Variants in SLC30A3 observed in about 807,000 individuals in gnomAD.
The protein encoded by SLC30A3 is solute carrier family 30 member 3, also known as probable proton-coupled zinc antiporter SLC30A3.
A neutral mutation model predicts 35.6 loss-of-function variants in SLC30A3; 20 were observed. The ratio of observed to expected loss-of-function variants is 0.56; its 90% CI spans 0.39 to 0.82. The LOEUF (loss-of-function observed/expected upper bound fraction) is 0.82. SLC30A3 is among the 40% of genes least tolerant of loss of function. SLC30A3 has a pLI of 0.00. For synonymous variants in SLC30A3, 217 were observed against 224.7 expected, an observed-to-expected ratio of 0.97 and a Z score of 0.31; for missense variants, 401 against 530.6, an observed-to-expected ratio of 0.76 and a Z score of 2.40.
In SLC30A3 at chr2:27,258,263, G is replaced by T; in HGVS notation, c.322C>A (p.His108Asn). 1 of 1,550,550 alleles carries T rather than the reference G, an allele frequency of 6.4e-7. No homozygotes were observed. Among genetic ancestry groups the T allele is most frequent in the Non-Finnish European group, 8.7e-7 (1 of 1,146,116 alleles). ...HSLAIMTDAA[H>N]LLADVGSMMG... ...ATGCTGCCCACATCCGCCAGCAAGT[G>T]GGCTGCATCGGTCATGATGGCCAGG... The change falls in exon 3 of 8, where the codon CAC becomes AAC. Residue 108 changes from histidine (H) to asparagine (N), a missense_variant. By Grantham distance (68) the His-to-Asn change is moderately conservative. Coordinates refer to ENST00000233535, the MANE Select transcript of SLC30A3 (RefSeq NM_003459.5). This position sits in a 1 kb window ranked among gnomAD's most constrained non-coding sequence, Gnocchi z 4.0.
chr2:27,264,318 C>T (rs780940279), upstream of SLC30A3, among the ~76,000 whole-genome samples: 3 of 152,180 alleles, frequency 2.0e-5, no homozygotes, highest in East Asian at 1.9e-4. The surrounding 1 kb of genome is among the most constrained non-coding windows in gnomAD (Gnocchi z 6.1). Context: ...GTTATTCCAA[C>T]GAGCCCAAGA....
Position 27,271,341 on chromosome 2 carries a change from G to C in SLC30A3, c.-159+3836C>G, listed in dbSNP as rs1677719101. On this transcript the variant is annotated intron_variant, in intron 1 of 5. Transcript: ENST00000424577. The surrounding 1 kb of genome is among the most constrained non-coding windows in gnomAD (Gnocchi z 4.3). ...GGATGCTTCTTCGTTTTCTCCATGA[G>C]AGACCAAATGGCTCTGAGTGGTAGT... 1.3e-5 allele frequency among the ~76,000 whole-genome samples: 2 copies of C among 152,210 alleles called. No homozygotes were observed. Among genetic ancestry groups the C allele is most frequent in the Admixed American group, 1.3e-4 (2 of 15,284 alleles).
Position 27,262,781 on chromosome 2 carries a change from C to A in SLC30A3, c.95+31G>T. 1.3e-6 allele frequency: 2 copies of A among 1,505,026 alleles called. No individual in the cohort carries two copies. The highest frequency in any genetic ancestry group is 1.8e-6 in the Non-Finnish European group (2 of 1,133,572). The allele number at this position is 1,505,026 out of a possible 1,614,324, so 93.2% of individuals were successfully genotyped here. ...ACGGAGGGTAGTAGGGTGGCGCCCC[C>A]GGGCCGAGGGCCAGCCCAGGTCTGT... is the stretch of plus-strand genomic sequence containing the variant. On this transcript the variant is annotated intron_variant, in intron 1 of 7. Coordinates refer to ENST00000233535, the MANE Select transcript of SLC30A3 (RefSeq NM_003459.5). This position sits in a 1 kb window ranked among gnomAD's most constrained non-coding sequence, Gnocchi z 7.5.
At chr2:27,261,147 G>A (rs1186583195) in intron 1 of SLC30A3, among the ~76,000 whole-genome samples, 2 of 152,184 alleles carry the variant, frequency 1.3e-5, no homozygotes, top group African/African-American at 2.4e-5. Flanking sequence ...ACAAAGACGA[G>A]GTTTGTGGCT....
At chr2:27,270,326 AG>A (rs1486150866) in intron 1 of SLC30A3, among the ~76,000 whole-genome samples, 2 of 152,096 alleles carry the variant, frequency 1.3e-5, no homozygotes, top group East Asian at 3.9e-4. Context: ...GCTGCTTGGG[AG>A]GACTGGGGGC....
rs753322875 is a variant in SLC30A3 at position 27,255,259 on chromosome 2, A to G, written c.*53T>C. On this transcript the variant is annotated 3_prime_UTR_variant, in exon 8 of 8. Coordinates refer to ENST00000233535, the MANE Select transcript of SLC30A3 (RefSeq NM_003459.5). The surrounding 1 kb of genome is among the most constrained non-coding windows in gnomAD (Gnocchi z 5.2). ...TCTGTGATCAGGGCAGCAGATGCTG[A>G]GAGTCTGGGGCTGAGCCTCGGCCTG... 6.2e-7 allele frequency: 1 copy of G among 1,610,382 alleles called. No homozygotes were observed. The highest frequency in any genetic ancestry group is 8.5e-7 in the Non-Finnish European group (1 of 1,177,888).
At chr2:27,264,117 C>T (rs1484208608), upstream of SLC30A3, 1 of 1,222,614 alleles carries the variant, frequency 8.2e-7, no homozygotes, top group East Asian at 5.7e-5. The surrounding 1 kb of genome is among the most constrained non-coding windows in gnomAD (Gnocchi z 6.1). Flanking sequence ...GAGGATTGTG[C>T]ACTCGAAGCT....
upstream of SLC30A3, among the ~76,000 whole-genome samples, chr2:27,268,029 C>A (rs558526719): frequency 1.3e-5 from 2 of 152,052 alleles, no homozygotes; most frequent in Admixed American, 1.3e-4. Flanking sequence ...CCATAGCCAT[C>A]ATTACCATCT....
rs940432098 is a variant in SLC30A3, at chr2:27,262,932, C to T, written c.-26G>A. On this transcript the variant is annotated 5_prime_UTR_variant, in exon 1 of 8. Coordinates refer to ENST00000233535, the MANE Select transcript of SLC30A3 (RefSeq NM_003459.5). The surrounding 1 kb of genome is among the most constrained non-coding windows in gnomAD (Gnocchi z 7.5). ...GTTCCCGGTGCCCCGACCGTCTAGGCCCCACCGAGGAAGAGAGAGGCCGGG... is the reference window on the plus strand; with the variant it reads ...GTTCCCGGTGCCCCGACCGTCTAGGTCCCACCGAGGAAGAGAGAGGCCGGG... 1.1e-5 allele frequency: 17 copies of T among 1,528,546 alleles called. No individual in the cohort carries two copies. Among genetic ancestry groups the T allele is most frequent in the African/African-American group, 1.5e-5 (1 of 68,248 alleles). 94.7% of individuals were successfully genotyped at this position (1,528,546 alleles called of 1,614,324 possible). A position where few individuals can be genotyped will look rare whatever the true frequency, so the allele number is the denominator to read the frequency against.
chr2:27,264,738 G>A (rs1677419226), upstream of SLC30A3, among the ~76,000 whole-genome samples: 1 of 152,228 alleles, frequency 6.6e-6, no homozygotes, highest in Non-Finnish European at 1.5e-5. The surrounding 1 kb of genome is among the most constrained non-coding windows in gnomAD (Gnocchi z 6.1). Context: ...TAAGGCGCGG[G>A]ACTTGACGGA....
In SLC30A3 at chr2:27,254,801, G is replaced by C. The variant is rs746161741; in HGVS notation, c.*511C>G. 39 of 241,310 alleles carry C rather than the reference G, an allele frequency of 1.6e-4. No individual in the cohort carries two copies. Among genetic ancestry groups the C allele is most frequent in the South Asian group, 6.5e-4 (15 of 23,124 alleles). The allele number at this position is 241,310 out of a possible 1,614,324, so 14.9% of individuals were successfully genotyped here. On this transcript the variant is annotated 3_prime_UTR_variant, in exon 8 of 8. Transcript: ENST00000233535. The stretch of plus-strand genomic sequence containing the variant: ...ACACACACACACACACACACACACA[G>C]ACAAAACCACAGGGCTAAGACACAC...
chr2:27,255,573 A>C lies in SLC30A3; in HGVS notation c.1019-113T>G. 8.6e-7 allele frequency: 1 copy of C among 1,162,002 alleles called. No homozygotes were observed. Among genetic ancestry groups the C allele is most frequent in the Non-Finnish European group, 1.2e-6 (1 of 811,204 alleles). The allele number at this position is 1,162,002 out of a possible 1,614,324, so 72.0% of individuals were successfully genotyped here. A position where few individuals can be genotyped will look rare whatever the true frequency, so the allele number is the denominator to read the frequency against. On this transcript the variant is annotated intron_variant, in intron 7 of 7. Transcript: ENST00000233535. The surrounding 1 kb of genome is among the most constrained non-coding windows in gnomAD (Gnocchi z 5.2). ...AGCATTAAAGCCAGGCGTGAATGGA[A>C]GCCTGCTTTTCTTTCTGTATTGTAT...
rs939332087 is a variant in SLC30A3, at chr2:27,275,283, C to A, written c.-265G>T. 3 of 1,176,444 alleles carry A rather than the reference C, an allele frequency of 2.6e-6. No individual in the cohort carries two copies. In the African/African-American group the frequency reaches 4.7e-5, roughly 19 times the overall value. The allele number at this position is 1,176,444 out of a possible 1,614,324, so 72.9% of individuals were successfully genotyped here. On this transcript the variant is annotated 5_prime_UTR_variant, in exon 1 of 6. Coordinates refer to the SLC30A3 transcript ENST00000424577. ...GGGAAGAGGGGCTCGGTGGGAATCC[C>A]TGCCCCAAGGCCTGGCAGCAACGCT...
Position 27,262,682 on chromosome 2 carries a change from G to T in SLC30A3, c.95+130C>A. ...GTGTGGCCAGAGGGGATGAAGCGGG[G>T]TGCAGCGGAGCGAGGGACCCGCGGT... is the stretch of plus-strand genomic sequence containing the variant. On this transcript the variant is annotated intron_variant, in intron 1 of 7. Transcript: ENST00000233535. This position sits in a 1 kb window ranked among gnomAD's most constrained non-coding sequence, Gnocchi z 7.5. 3 of 871,166 alleles carry T rather than the reference G, an allele frequency of 3.4e-6. No homozygotes were observed. The highest frequency in any genetic ancestry group is 5.0e-6 in the Non-Finnish European group (3 of 602,332). The allele number at this position is 871,166 out of a possible 1,614,324, so 54.0% of individuals were successfully genotyped here. A position where few individuals can be genotyped will look rare whatever the true frequency, so the allele number is the denominator to read the frequency against.
upstream of SLC30A3, chr2:27,263,075 C>G: frequency 3.0e-6 from 4 of 1,351,258 alleles, no homozygotes; most frequent in Non-Finnish European, 3.8e-6. Context: ...AACTGCAGAT[C>G]CCGCTGCCGC....
rs1161698962 is a variant in SLC30A3 at position 27,262,427 on chromosome 2, C to T, written c.95+385G>A. Among the ~76,000 whole-genome samples, 23 of 151,984 alleles carry T rather than the reference C, an allele frequency of 1.5e-4. No homozygotes were observed. The East Asian group carries it at 4.1e-3, about 27-fold the overall frequency. On this transcript the variant is annotated intron_variant, in intron 1 of 7. Transcript: ENST00000233535. The surrounding 1 kb of genome is among the most constrained non-coding windows in gnomAD (Gnocchi z 7.5). ...TACAGAGGGAGCTCTGAAGCCTGGG[C>T]AGCGAGGCGCTCCCGCCCTGGGCCC...
At chr2:27,273,505 C>A (rs750778382) in intron 1 of SLC30A3, among the ~76,000 whole-genome samples, 15 of 150,608 alleles carry the variant, frequency 1.0e-4, no homozygotes, top group Non-Finnish European at 2.1e-4. Context: ...TCTGTCCTCC[C>A]ATGATAGTCA....
At position 27,254,054 on chromosome 2, in the gene SLC30A3, G is replaced by A. The variant is rs1676713341; in HGVS notation, c.*1258C>T. 1 of 152,208 alleles carries A rather than the reference G, an allele frequency of 6.6e-6. No homozygotes were observed. The highest frequency in any genetic ancestry group is 1.5e-5 in the Non-Finnish European group (1 of 68,040). The allele number at this position is 152,208 out of a possible 1,614,324, so 9.4% of individuals were successfully genotyped here. On this transcript the variant is annotated 3_prime_UTR_variant, in exon 8 of 8. Transcript: ENST00000233535. ...ATGTGTCAAAATATGCAGTTCTTAA[G>A]ACAAAGGGGGAATAGGTGTAAAAGA...
Position 27,256,825 on chromosome 2 carries a change from A to G in SLC30A3, c.846T>C (p.Ala282=). 1.2e-6 allele frequency: 2 copies of G among 1,606,078 alleles called. No homozygotes were observed. ...TTCGAAGAACGTCTCGGAGGGTGGG[A>G]GCGGTGGATCCAAGGGCACAGATGG... The part of the protein sequence containing the change: ...LFSICALGST[A]PTLRDVLRIL... Residue 282 remains alanine (A), a synonymous_variant, in exon 6 of 8, where the codon GCT becomes GCC. Transcript: ENST00000233535.
Sources: gnomAD v4.1 joint callset for allele counts (sites outside exome capture counted in the v4.1 genomes callset) on GRCh38, gnomAD v4.1.1 for gene constraint, Gnocchi (gnomAD v3.1) non-coding constraint, MANE v1.5 for transcripts, NCBI Gene and HGNC (gene_info 2026-07-23, HGNC 2026-07-21) for gene names.